NRP1: variants seen among roughly 807,000 people sequenced by gnomAD.
The protein encoded by NRP1 is neuropilin 1.
In NRP1, 35 loss-of-function variants were observed where a neutral mutation model predicts 106.7. That is an observed-to-expected ratio of 0.33 (90% CI 0.25 to 0.43). NRP1 has a LOEUF of 0.43. NRP1 is among the 20% of genes least tolerant of loss of function. The pLI is 1.00. For missense variants in NRP1, 1,024 were observed against 1,170.4 expected, an observed-to-expected ratio of 0.87 and a Z score of 1.83; for synonymous variants, 437 against 417.9, an observed-to-expected ratio of 1.05 and a Z score of -0.56.
intron 11 of NRP1, among the ~76,000 whole-genome samples, chr10:33,198,748 A>G (rs990529710): frequency 3.4e-5 from 5 of 145,070 alleles, no homozygotes; most frequent in Non-Finnish European, 7.6e-5. Flanking sequence ...CTGAGGGTTT[A>G]AAGTAAGATG....
At chr10:33,319,495 G>A (rs1847299597) in intron 2 of NRP1, among the ~76,000 whole-genome samples, 1 of 151,756 alleles carries the variant, frequency 6.6e-6, no homozygotes, top group Admixed American at 6.6e-5. Context: ...TCCAGGCTGT[G>A]GAAGCTTTGT....
intron 9 of NRP1, chr10:33,212,135 T>A (rs997377867): frequency 6.6e-6 from 1 of 152,236 alleles, no homozygotes; most frequent in African/African-American, 2.4e-5. Flanking sequence ...TTTTGGTGGA[T>A]GTTGGAATGG....
chr10:33,327,046 G>C (rs1485033748), intron 2 of NRP1, among the ~76,000 whole-genome samples: 1 of 151,990 alleles, frequency 6.6e-6, no homozygotes. Flanking sequence ...CTGTTTACTT[G>C]GGTTTCAAAG....
intron 8 of NRP1, among the ~76,000 whole-genome samples, chr10:33,220,388 A>G (rs1212634411): frequency 6.6e-6 from 1 of 152,200 alleles, no homozygotes; most frequent in Non-Finnish European, 1.5e-5. Flanking sequence ...TAGTTCAAAG[A>G]CTTTTAGACA....
rs1437072926 is a variant in NRP1 at position 33,213,749 on chromosome 10, ATGATTTCC to A, written c.1283-40_1283-33del. ...AGTGAAATGAAACAGATAATGTAAA[ATGATTTCC>A]TGGGCGACTCCATGCTAAGAAATAA... On this transcript the variant is annotated intron_variant, in intron 8 of 16. Coordinates refer to ENST00000374867, the MANE Select transcript of NRP1 (RefSeq NM_003873.7). 3.3e-6 allele frequency: 5 copies of A among 1,499,942 alleles called. No individual in the cohort carries two copies. In the African/African-American group the frequency reaches 7.0e-5, roughly 21 times the overall value. The allele number at this position is 1,499,942 out of a possible 1,614,324, so 92.9% of individuals were successfully genotyped here. A position where few individuals can be genotyped will look rare whatever the true frequency, so the allele number is the denominator to read the frequency against.
intron 2 of NRP1, among the ~76,000 whole-genome samples, chr10:33,289,057 G>T (rs1341369050): frequency 6.6e-6 from 1 of 152,058 alleles, no homozygotes; most frequent in African/African-American, 2.4e-5. Context: ...AACAACCACC[G>T]CATAGCCCAG....
chr10:33,314,944 C>T (rs577795098), intron 2 of NRP1, among the ~76,000 whole-genome samples: 56 of 152,288 alleles, frequency 3.7e-4, no homozygotes, highest in Middle Eastern at 3.4e-3. Context: ...CCAGCTGGAA[C>T]GGAAGCAGGC....
rs1837910262 is a variant in NRP1 at position 33,207,730 on chromosome 10, A to T, written c.1615-14T>A. ...GCCCTCAAAAGACTGTGAAGCATGG[A>T]AAACACAGGGCATTAAGGAAAAAAA... is the stretch of plus-strand genomic sequence containing the variant. On this transcript the variant is annotated splice_polypyrimidine_tract_variant and intron_variant, in intron 9 of 16. Transcript: ENST00000374867. 6.2e-7 allele frequency: 1 copy of T among 1,611,542 alleles called. No individual in the cohort carries two copies. Among genetic ancestry groups the T allele is most frequent in the South Asian group, 1.1e-5 (1 of 90,770 alleles).
chr10:33,231,978 A>G (rs1840172980), intron 6 of NRP1, among the ~76,000 whole-genome samples: 1 of 152,144 alleles, frequency 6.6e-6, no homozygotes, highest in Non-Finnish European at 1.5e-5. Flanking sequence ...AAAAAAATGT[A>G]TTGCTCTCTA....
At chr10:33,216,667 A>G (rs1285921874) in intron 8 of NRP1, among the ~76,000 whole-genome samples, 1 of 150,478 alleles carries the variant, frequency 6.6e-6, no homozygotes, top group East Asian at 2.0e-4. Context: ...CTCTCAAACT[A>G]CTGGGGTCAA....
At chr10:33,315,390 TG>T (rs1206377634) in intron 2 of NRP1, among the ~76,000 whole-genome samples, 1 of 152,234 alleles carries the variant, frequency 6.6e-6, no homozygotes, top group Non-Finnish European at 1.5e-5. Context: ...AGAGCTGACT[TG>T]GTCTTCCTGT....
chr10:33,242,528 G>T (rs1340141347), intron 6 of NRP1, among the ~76,000 whole-genome samples: 1 of 152,066 alleles, frequency 6.6e-6, no homozygotes, highest in African/African-American at 2.4e-5. Flanking sequence ...TTTTAAGGTG[G>T]AAAACTTCAA....
chr10:33,328,921 G>T (rs1848077978), intron 2 of NRP1, among the ~76,000 whole-genome samples: 1 of 152,166 alleles, frequency 6.6e-6, no homozygotes, highest in African/African-American at 2.4e-5. Context: ...GTAAACGTCA[G>T]TTTATTGAAT....
chr10:33,255,377 C>T (rs905904651), intron 5 of NRP1, among the ~76,000 whole-genome samples: 1 of 152,168 alleles, frequency 6.6e-6, no homozygotes, highest in Non-Finnish European at 1.5e-5. Flanking sequence ...TCTCCAAACA[C>T]CCCCTGTCCT....
At chr10:33,211,856 G>A (rs1031217503) in intron 9 of NRP1, 1 of 152,252 alleles carries the variant, frequency 6.6e-6, no homozygotes, top group Non-Finnish European at 1.5e-5. Context: ...AAGCAGGGAT[G>A]GAAAGGCTAA....
chr10:33,306,534 A>C (rs1193703338), intron 2 of NRP1, among the ~76,000 whole-genome samples: 3 of 152,336 alleles, frequency 2.0e-5, no homozygotes, highest in Non-Finnish European at 4.4e-5. Flanking sequence ...ATGGTAAAAC[A>C]TATCTTATCC....
intron 2 of NRP1, among the ~76,000 whole-genome samples, chr10:33,278,537 G>GA (rs539864530): frequency 8.6e-5 from 13 of 150,642 alleles, no homozygotes; most frequent in Non-Finnish European, 1.3e-4. Flanking sequence ...CTCTCTTGCA[G>GA]AAAAAAAAAT....
At chr10:33,314,024 CTCTCTCTT>C (rs1284637544) in intron 2 of NRP1, among the ~76,000 whole-genome samples, 3 of 146,798 alleles carry the variant, frequency 2.0e-5, no homozygotes, top group South Asian at 2.2e-4. Context: ...TTCCTTCTCT[CTCTCTCTT>C]TCTCTCTCTC....
chr10:33,262,018 G>C (rs1367743241), intron 4 of NRP1, among the ~76,000 whole-genome samples: 2 of 152,216 alleles, frequency 1.3e-5, no homozygotes, highest in East Asian at 3.9e-4. Flanking sequence ...TTACAGGTAG[G>C]AGCCACAGCA....
Sources: allele counts gnomAD v4.1 joint callset (sites outside exome capture counted in the v4.1 genomes callset), GRCh38; gene constraint gnomAD v4.1.1; transcripts MANE v1.5; gene names NCBI Gene and HGNC (gene_info 2026-07-23, HGNC 2026-07-21).